The following MYOF variants were observed in gnomAD, a reference collection of about 807,000 sequenced individuals.
MYOF encodes the protein myoferlin.
MYOF carries 244 observed loss-of-function variants against 284.2 expected under a neutral mutation model. The ratio of observed to expected loss-of-function variants is 0.86; its 90% CI spans 0.77 to 0.95. The LOEUF (loss-of-function observed/expected upper bound fraction) is 0.95, where lower values mean the gene tolerates loss of function less well. MYOF is among the 40% of genes least tolerant of loss of function. MYOF has a pLI of 0.00. For missense variants in MYOF, 2,496 were observed against 2,560.6 expected, an observed-to-expected ratio of 0.97 and a Z score of 0.54; for synonymous variants, 904 against 919.7, an observed-to-expected ratio of 0.98 and a Z score of 0.31.
At chr10:93,307,500 CTG>C (rs1488282122) in intron 53 of MYOF, among the ~76,000 whole-genome samples, 2 of 152,018 alleles carry the variant, frequency 1.3e-5, no homozygotes, top group Non-Finnish European at 2.9e-5. Flanking sequence ...TGGGGTTTCA[CTG>C]TGTTAGCCAG....
chr10:93,311,152 T>C (rs1842368028), intron 51 of MYOF, among the ~76,000 whole-genome samples: 1 of 152,148 alleles, frequency 6.6e-6, no homozygotes, highest in Non-Finnish European at 1.5e-5. Context: ...AGTGAATGAA[T>C]GTTTTCTCCC....
rs1250369888 is a variant in MYOF, at chr10:93,395,145, A to T, written c.1417+997T>A. On this transcript the variant is annotated intron_variant, in intron 16 of 53. Coordinates refer to ENST00000359263, the MANE Select transcript of MYOF (RefSeq NM_013451.4). ...AATTACAATAATTTTTGTTTTGGTC[A>T]CAAAAAATAAGCTCCTGGGCTGGAC... is the stretch of plus-strand genomic sequence containing the variant. Among the ~76,000 whole-genome samples the T allele has an allele frequency of 2.0e-5, 3 of 152,132 alleles. No individual in the cohort carries two copies. In the East Asian group the frequency reaches 5.8e-4, roughly 29 times the overall value.
At chr10:93,361,614 G>A in intron 27 of MYOF, 57 bp from the exon 28 acceptor site, 1 of 1,538,746 alleles carries the variant, frequency 6.5e-7, no homozygotes, top group South Asian at 1.1e-5. Context: ...TCAGTAAGAG[G>A]CAAAGGGTCC....
At chr10:93,480,146 G>C (rs1446972145) in intron 1 of MYOF, among the ~76,000 whole-genome samples, 1 of 152,036 alleles carries the variant, frequency 6.6e-6, no homozygotes, top group African/African-American at 2.4e-5. Flanking sequence ...TTATGTAACT[G>C]CTTCAAGAAA....
At chr10:93,454,365 T>C (rs994932793) in intron 2 of MYOF, among the ~76,000 whole-genome samples, 2 of 152,206 alleles carry the variant, frequency 1.3e-5, no homozygotes, top group Admixed American at 6.5e-5. Flanking sequence ...GCTGATTCCC[T>C]GCAGAGGACA....
At chr10:93,465,425 A>G (rs1236947992) in intron 1 of MYOF, among the ~76,000 whole-genome samples, 1 of 152,214 alleles carries the variant, frequency 6.6e-6, no homozygotes, top group Non-Finnish European at 1.5e-5. Context: ...AAATGAAAGA[A>G]TGAATACAAA....
chr10:93,346,435 T>C (rs1844186544), intron 37 of MYOF, among the ~76,000 whole-genome samples: 1 of 152,270 alleles, frequency 6.6e-6, no homozygotes, highest in East Asian at 1.9e-4. Flanking sequence ...CGGTGTCTAA[T>C]TTATGAGGCC....
Position 93,349,992 on chromosome 10 carries a change from G to A in MYOF, c.3922-23C>T, listed in dbSNP as rs750885212. On this transcript the variant is annotated intron_variant, in intron 35 of 53. Transcript: ENST00000359263. ...AATCTATGAAAACGATTTAAAGAGAGGGGAAGGTAACTCAGCACTTTAAAA... is the reference window on the plus strand; with the variant it reads ...AATCTATGAAAACGATTTAAAGAGAAGGGAAGGTAACTCAGCACTTTAAAA... The A allele has an allele frequency of 2.5e-6, 4 of 1,607,216 alleles. No individual in the cohort carries two copies. In the Admixed American group the frequency reaches 5.1e-5, roughly 20 times the overall value.
intron 15 of MYOF, among the ~76,000 whole-genome samples, chr10:93,396,579 CAG>C (rs1160497656): frequency 1.3e-5 from 2 of 152,150 alleles, no homozygotes; most frequent in African/African-American, 4.8e-5. Flanking sequence ...TGCAATTGTA[CAG>C]AGAGGCCAAG....
chr10:93,351,213 T>G lies in MYOF; in HGVS notation c.3905A>C (p.Gln1302Pro). ...GCAGCATACCTCAATGGCAGTGAGCTGGACCACAGGCCTGATCCCCTGGGG... is the reference window on the plus strand; with the variant it reads ...GCAGCATACCTCAATGGCAGTGAGCGGGACCACAGGCCTGATCCCCTGGGG... ...MVPQGIRPVV[Q>P]LTAIEILAWG... Residue 1302 changes from glutamine to proline, a missense_variant, in exon 35 of 54, where the codon CAG (glutamine) becomes CCG (proline). By Grantham distance (76) the Gln-to-Pro change is moderately conservative. Transcript: ENST00000359263. 6.2e-7 allele frequency: 1 copy of G among 1,614,208 alleles called. No homozygotes were observed. The highest frequency in any genetic ancestry group is 8.5e-7 in the Non-Finnish European group (1 of 1,180,028).
At chr10:93,353,954 T>A in intron 31 of MYOF, 66 bp from the exon 32 acceptor site, 1 of 1,291,418 alleles carries the variant, frequency 7.7e-7, no homozygotes, top group Non-Finnish European at 1.1e-6. Flanking sequence ...TTTACTGGAA[T>A]ATTTGGAAAA....
At chr10:93,388,020 C>T in intron 18 of MYOF, 107 bp from the exon 19 acceptor site, 2 of 809,568 alleles carry the variant, frequency 2.5e-6, no homozygotes, top group Non-Finnish European at 2.1e-6. Flanking sequence ...CTTCCCATGG[C>T]CCTAACCTTC....
intron 27 of MYOF, among the ~76,000 whole-genome samples, 180 bp from the exon 28 acceptor site, chr10:93,361,737 A>G (rs1845084176): frequency 6.6e-6 from 1 of 152,240 alleles, no homozygotes; most frequent in South Asian, 2.1e-4. Context: ...CTGCTAAATA[A>G]AAATTAGTTT....
intron 13 of MYOF, among the ~76,000 whole-genome samples, chr10:93,398,712 A>G (rs761364794): frequency 6.6e-6 from 1 of 152,124 alleles, no homozygotes; most frequent in Non-Finnish European, 1.5e-5. Flanking sequence ...CACCAGTCAT[A>G]TGTGTATGTG....
intron 19 of MYOF, among the ~76,000 whole-genome samples, chr10:93,382,070 AATAG>A (rs1211390905): frequency 2.6e-5 from 4 of 152,264 alleles, no homozygotes; most frequent in Middle Eastern, 3.4e-3. Context: ...AAATCTATTA[AATAG>A]ATATTTTAAT....
At chr10:93,454,983 T>C (rs2056700266) in intron 2 of MYOF, among the ~76,000 whole-genome samples, 1 of 43,634 alleles carries the variant, frequency 2.3e-5, no homozygotes, top group African/African-American at 6.7e-5. Flanking sequence ...TGTCTTTTTT[T>C]AATTAAAAAA....
chr10:93,355,457 G>T (rs1208356564), intron 31 of MYOF, among the ~76,000 whole-genome samples, 171 bp downstream of exon 31: 1 of 152,104 alleles, frequency 6.6e-6, no homozygotes, highest in Non-Finnish European at 1.5e-5. Context: ...ATGGTGACGT[G>T]CGCCTGTAGT....
intron 3 of MYOF, among the ~76,000 whole-genome samples, chr10:93,450,103 A>G (rs1409932210): frequency 4.6e-5 from 7 of 152,064 alleles, no homozygotes; most frequent in Admixed American, 4.6e-4. Flanking sequence ...ACTAAAAAAC[A>G]CAAAAATAGG....
intron 37 of MYOF, among the ~76,000 whole-genome samples, chr10:93,344,730 A>T (rs1844099965): frequency 7.6e-6 from 1 of 131,186 alleles, no homozygotes; most frequent in East Asian, 2.1e-4. Context: ...TTAAATTAAA[A>T]AAAAAAAAAA....
Sources: allele counts gnomAD v4.1 joint callset (sites outside exome capture counted in the v4.1 genomes callset), GRCh38; gene constraint gnomAD v4.1.1; transcripts MANE v1.5; gene names NCBI Gene and HGNC (gene_info 2026-07-23, HGNC 2026-07-21).